ITGA11: variants seen among roughly 807,000 people sequenced by gnomAD.
ITGA11 encodes integrin subunit alpha 11.
Under a neutral mutation model 141.9 loss-of-function variants are expected in ITGA11, and 97 were observed. That is an observed-to-expected ratio of 0.68 (90% confidence interval 0.58 to 0.81). ITGA11 has a LOEUF of 0.81. Ranked by LOEUF, ITGA11 falls within the 30% of genes least tolerant of loss-of-function variation. The pLI, the probability that ITGA11 is intolerant of heterozygous loss-of-function variation, is 0.00. For missense variants in ITGA11, 1,387 were observed against 1,559.2 expected (o/e 0.89, Z 1.86); for synonymous variants, 658 against 624.6 (o/e 1.05, Z -0.80).
chr15:68,417,565 A>G (rs1896916101), intron 1 of ITGA11, among the ~76,000 whole-genome samples: 1 of 152,010 alleles, frequency 6.6e-6, no homozygotes, highest in Non-Finnish European at 1.5e-5. Flanking sequence ...TGTGAACTAG[A>G]TCCTGGCTCT....
intron 1 of ITGA11, among the ~76,000 whole-genome samples, chr15:68,425,043 C>T (rs537955380): frequency 6.6e-4 from 101 of 152,326 alleles, no homozygotes; most frequent in Middle Eastern, 3.4e-3. Context: ...GCAGAGACCG[C>T]GCTTTATCTA....
intron 1 of ITGA11, among the ~76,000 whole-genome samples, chr15:68,431,533 G>C (rs917617167): frequency 6.6e-6 from 1 of 152,182 alleles, no homozygotes; most frequent in South Asian, 2.1e-4. Flanking sequence ...TCAGCCCTCC[G>C]GGGCCGCCGC....
chr15:68,432,074 G>C lies in ITGA11; in HGVS notation c.-8C>G. On this transcript the variant is annotated 5_prime_UTR_variant, in exon 1 of 30. Coordinates refer to ENST00000315757, the MANE Select transcript of ITGA11 (RefSeq NM_001004439.2). ...GCCCCTGGGCAGGTCCATGGCCCGCGGCACGGCGGCTGGGTCCGGTGTGCA... is the reference window on the plus strand; with the variant it reads ...GCCCCTGGGCAGGTCCATGGCCCGCCGCACGGCGGCTGGGTCCGGTGTGCA... 3 of 1,368,898 alleles carry C rather than the reference G, an allele frequency of 2.2e-6. No homozygotes were observed. The highest frequency in any genetic ancestry group is 2.8e-6 in the Non-Finnish European group (3 of 1,063,608). The allele number at this position is 1,368,898 out of a possible 1,614,324, so 84.8% of individuals were successfully genotyped here. A position where few individuals can be genotyped will look rare whatever the true frequency, so the allele number is the denominator to read the frequency against.
chr15:68,398,670 C>T (rs1362355543), intron 2 of ITGA11, among the ~76,000 whole-genome samples: 1 of 146,322 alleles, frequency 6.8e-6, no homozygotes. Flanking sequence ...TATTTTATTT[C>T]TAATAGCATA....
At chr15:68,336,774 A>AGT (rs751370754) in intron 11 of ITGA11, among the ~76,000 whole-genome samples, 8 of 152,098 alleles carry the variant, frequency 5.3e-5, no homozygotes, top group African/African-American at 1.9e-4. Flanking sequence ...CACGTGTGTG[A>AGT]GTGTGTGTGT....
chr15:68,341,489 G>A (rs1051037668), intron 10 of ITGA11, among the ~76,000 whole-genome samples: 1 of 152,228 alleles, frequency 6.6e-6, no homozygotes, highest in Non-Finnish European at 1.5e-5. Context: ...CTTGCCCAAG[G>A]TCACACAGCA....
intron 2 of ITGA11, among the ~76,000 whole-genome samples, chr15:68,369,923 T>C (rs1425100017): frequency 2.0e-5 from 3 of 152,210 alleles, no homozygotes; most frequent in Non-Finnish European, 4.4e-5. Context: ...CATCCTGGAT[T>C]ATCTGGGTGG....
At chr15:68,352,624 C>T (rs1051583824) in intron 7 of ITGA11, among the ~76,000 whole-genome samples, 1 of 152,192 alleles carries the variant, frequency 6.6e-6, no homozygotes, top group Admixed American at 6.5e-5. Flanking sequence ...TGCGATGAGG[C>T]CTGACAGAGC....
Position 68,324,851 on chromosome 15 carries a change from G to A in ITGA11, c.2322+280C>T, listed in dbSNP as rs1038367381. Among the ~76,000 whole-genome samples, 2 of 152,082 alleles carry A rather than the reference G, an allele frequency of 1.3e-5. No individual in the cohort carries two copies. Among genetic ancestry groups the A allele is most frequent in the African/African-American group, 2.4e-5 (1 of 41,408 alleles). ...ATCCAGTGGTTCTTTGTATTTCTCCGGTGCTCACCCTGTGCTCCCCTGTGC... is the reference window on the plus strand; with the variant it reads ...ATCCAGTGGTTCTTTGTATTTCTCCAGTGCTCACCCTGTGCTCCCCTGTGC... On this transcript the variant is annotated intron_variant, in intron 18 of 29. Transcript: ENST00000315757. The surrounding 1 kb of genome is among the most constrained non-coding windows in gnomAD (Gnocchi z 6.3).
At chr15:68,428,850 G>A (rs747856654) in intron 1 of ITGA11, among the ~76,000 whole-genome samples, 25 of 152,134 alleles carry the variant, frequency 1.6e-4, no homozygotes, top group Non-Finnish European at 2.8e-4. Context: ...AGACAGCCCC[G>A]ATGGTAAACA....
intron 26 of ITGA11, among the ~76,000 whole-genome samples, chr15:68,309,811 GAGCTCCTGACCTCA>G (rs1386214267): frequency 1.3e-5 from 2 of 152,044 alleles, no homozygotes; most frequent in African/African-American, 4.8e-5. Context: ...GGCTGGTCTC[GAGCTCCTGACCTCA>G]AGCTCCTGAC....
chr15:68,383,296 A>G (rs1243340346), intron 2 of ITGA11, among the ~76,000 whole-genome samples: 1 of 151,868 alleles, frequency 6.6e-6, no homozygotes, highest in African/African-American at 2.4e-5. Context: ...AAAAAAAGAG[A>G]AATCCCAAGG....
intron 1 of ITGA11, among the ~76,000 whole-genome samples, chr15:68,412,698 CAG>C (rs1311831150): frequency 3.0e-5 from 3 of 100,884 alleles, no homozygotes; most frequent in African/African-American, 3.9e-5. Flanking sequence ...TTTTTTGAGA[CAG>C]AGTCTCGTTC....
intron 1 of ITGA11, among the ~76,000 whole-genome samples, chr15:68,413,416 A>G (rs984383850): frequency 1.3e-5 from 2 of 152,190 alleles, no homozygotes; most frequent in African/African-American, 2.4e-5. Flanking sequence ...GTTCCATGGT[A>G]GGAAGTGAGG....
At position 68,350,611 on chromosome 15, in the gene ITGA11, G is replaced by T. The variant is rs374591628; in HGVS notation, c.1060+6C>A. 3 of 1,611,824 alleles carry T rather than the reference G, an allele frequency of 1.9e-6. No homozygotes were observed. The highest frequency in any genetic ancestry group is 2.5e-6 in the Non-Finnish European group (3 of 1,178,786). ...AGTGGATCCCCTCTTAGCATGCATT[G>T]CTTACCTTCCAGGCTGAAGATTCTG... On this transcript the variant is annotated splice_donor_region_variant and intron_variant, in intron 9 of 29. Transcript: ENST00000315757.
At chr15:68,386,946 GC>G (rs140835606) in intron 2 of ITGA11, among the ~76,000 whole-genome samples, 7,991 of 152,062 alleles carry the variant, frequency 0.053, 672 homozygotes, top group African/African-American at 0.18. Flanking sequence ...CGCCTTGGCC[GC>G]CCCCTCACCC....
In ITGA11 at chr15:68,350,605, T is replaced by A. The variant is rs781463289; in HGVS notation, c.1060+12A>T. 2.5e-6 allele frequency: 4 copies of A among 1,611,016 alleles called. No homozygotes were observed. The highest frequency in any genetic ancestry group is 3.4e-6 in the Non-Finnish European group (4 of 1,178,158). ...GGAGAGAGTGGATCCCCTCTTAGCA[T>A]GCATTGCTTACCTTCCAGGCTGAAG... On this transcript the variant is annotated intron_variant, in intron 9 of 29. Coordinates refer to ENST00000315757, the MANE Select transcript of ITGA11 (RefSeq NM_001004439.2).
intron 1 of ITGA11, among the ~76,000 whole-genome samples, chr15:68,412,882 G>T (rs1896807879): frequency 6.6e-6 from 1 of 151,828 alleles, no homozygotes; most frequent in South Asian, 2.1e-4. Flanking sequence ...CATCATATTG[G>T]CCAGGCTAGT....
intron 2 of ITGA11, among the ~76,000 whole-genome samples, chr15:68,370,954 G>A (rs1379743354): frequency 2.6e-5 from 4 of 152,192 alleles, no homozygotes; most frequent in Admixed American, 2.6e-4. Flanking sequence ...CTGTCAGGAA[G>A]GAAAGCCAGG....
Sources: allele counts gnomAD v4.1 joint callset (sites outside exome capture counted in the v4.1 genomes callset), GRCh38; gene constraint gnomAD v4.1.1; non-coding constraint Gnocchi (gnomAD v3.1); transcripts MANE v1.5; gene names NCBI Gene and HGNC (gene_info 2026-07-23, HGNC 2026-07-21).